The following PDIA5 variants were observed in gnomAD, a reference collection of about 807,000 sequenced individuals.
PDIA5 encodes protein disulfide-isomerase A5.
PDIA5 carries 58 observed loss-of-function variants against 77.6 expected under a neutral mutation model. The observed-to-expected ratio is 0.75, with a 90% confidence interval of 0.61 to 0.93. The LOEUF is 0.93. Ranked by LOEUF, PDIA5 falls within the 40% of genes least tolerant of loss-of-function variation. PDIA5 has a pLI of 0.00. For missense variants in PDIA5, 630 were observed against 647.7 expected, an observed-to-expected ratio of 0.97 and a Z score of 0.30; for synonymous variants, 250 against 252.1, an observed-to-expected ratio of 0.99 and a Z score of 0.08.
chr3:123,071,354 CT>C (rs972855994), intron 1 of PDIA5, among the ~76,000 whole-genome samples: 7 of 152,146 alleles, frequency 4.6e-5, no homozygotes, highest in Admixed American at 2.0e-4. Flanking sequence ...GCCTCTGCCC[CT>C]GATGGTCGCT....
intron 3 of PDIA5, among the ~76,000 whole-genome samples, chr3:123,095,587 T>C (rs1048987014): frequency 2.0e-5 from 3 of 151,962 alleles, no homozygotes; most frequent in African/African-American, 7.3e-5. Context: ...CCATCTCTAC[T>C]AAAAATACAA....
chr3:123,067,234 C>T (rs1478174795), intron 1 of PDIA5, 28 bp downstream of exon 1: 4 of 1,241,354 alleles, frequency 3.2e-6, no homozygotes, highest in Non-Finnish European at 4.1e-6. Flanking sequence ...GGATCCGGGC[C>T]GGGCCAGCAC....
At position 123,102,455 on chromosome 3, in the gene PDIA5, T is replaced by G. The variant is rs200110278; in HGVS notation, c.302T>G (p.Leu101Arg). ...RKLCKKMKVD[L>R]SPKDKKVELF... ...TTGTGCAAGAAGATGAAAGTTGACCTGAGCCCGAAGGACAAAAAGGTTGAA... is the reference window on the plus strand; with the variant it reads ...TTGTGCAAGAAGATGAAAGTTGACCGGAGCCCGAAGGACAAAAAGGTTGAA... The change falls in exon 4 of 17, where the codon CTG becomes CGG. Residue 101 changes from leucine to arginine, a missense_variant. Leu to Arg is a moderately radical substitution (Grantham distance 102, BLOSUM62 -2). Transcript: ENST00000316218. 1.9e-6 allele frequency: 3 copies of G among 1,614,084 alleles called. No homozygotes were observed. Among genetic ancestry groups the G allele is most frequent in the Middle Eastern group, 1.7e-4 (1 of 6,060 alleles).
At chr3:123,081,744 T>C (rs1245279695) in intron 1 of PDIA5, among the ~76,000 whole-genome samples, 2 of 152,230 alleles carry the variant, frequency 1.3e-5, no homozygotes, top group Non-Finnish European at 2.9e-5. Flanking sequence ...CTGCATTGAA[T>C]AGTAAATCTA....
chr3:123,138,531 G>A (rs966063503), intron 11 of PDIA5, among the ~76,000 whole-genome samples: 2 of 152,046 alleles, frequency 1.3e-5, no homozygotes, highest in Non-Finnish European at 2.9e-5. Context: ...TATTTCCTTA[G>A]GATAGGAACC....
chr3:123,161,514 T>A, intron 16 of PDIA5, 59 bp downstream of exon 16: 3 of 1,567,982 alleles, frequency 1.9e-6, no homozygotes, highest in Non-Finnish European at 2.6e-6. Context: ...CAGGGAAACT[T>A]CCACTGAGGA....
chr3:123,115,020 A>G (rs1167387550), intron 7 of PDIA5, among the ~76,000 whole-genome samples: 6 of 152,062 alleles, frequency 3.9e-5, no homozygotes, highest in Admixed American at 3.9e-4. Context: ...GGTGGCCCAG[A>G]AGGAATGTTG....
At chr3:123,081,915 T>G (rs1023352416) in intron 1 of PDIA5, among the ~76,000 whole-genome samples, 1 of 152,200 alleles carries the variant, frequency 6.6e-6, no homozygotes, top group Admixed American at 6.5e-5. Flanking sequence ...CTGATGGAGA[T>G]GCTGGGTGGC....
chr3:123,096,957 G>T (rs3804741), intron 3 of PDIA5, among the ~76,000 whole-genome samples: 2 of 152,160 alleles, frequency 1.3e-5, no homozygotes, highest in Non-Finnish European at 2.9e-5. Flanking sequence ...TCTCACAGGG[G>T]GCAAGGCTGT....
intron 11 of PDIA5, chr3:123,144,403 G>A (rs1202664286): frequency 6.6e-6 from 1 of 152,212 alleles, no homozygotes. Flanking sequence ...CCTCCATCCT[G>A]AGCCAGTCTG....
intron 15 of PDIA5, among the ~76,000 whole-genome samples, chr3:123,156,143 C>A (rs1936016879): frequency 6.6e-6 from 1 of 152,140 alleles, no homozygotes; most frequent in Admixed American, 6.5e-5. Flanking sequence ...TTAACAGGCC[C>A]AGAGACAGTG....
chr3:123,107,946 A>C (rs904183406), intron 6 of PDIA5, among the ~76,000 whole-genome samples: 2 of 152,106 alleles, frequency 1.3e-5, no homozygotes, highest in Non-Finnish European at 2.9e-5. Context: ...CTACAGGCAC[A>C]TGCCACCATG....
rs767408580 is a variant in PDIA5, at chr3:123,146,197, TGGAGA to T, written c.1082_1086del (p.Gly361GlufsTer21). Reference sequence around the variant, plus strand: ...TTCCTACGTTGAAGTATTTTAAGAATGGAGAGAAATACGCAGTGCCTGTGCTCAGG... The same window carrying T: ...TTCCTACGTTGAAGTATTTTAAGAATGAAATACGCAGTGCCTGTGCTCAGG... On this transcript the variant is annotated frameshift_variant, in exon 13 of 17. Coordinates refer to ENST00000316218, the MANE Select transcript of PDIA5 (RefSeq NM_006810.4). LOFTEE classifies it high-confidence loss of function. 26 of 1,613,848 alleles carry T rather than the reference TGGAGA, an allele frequency of 1.6e-5. No homozygotes were observed. The highest frequency in any genetic ancestry group is 2.1e-5 in the Non-Finnish European group (25 of 1,179,826).
At chr3:123,146,393 T>A in intron 13 of PDIA5, 134 bp downstream of exon 13, 1 of 717,848 alleles carries the variant, frequency 1.4e-6, no homozygotes. Context: ...GGATCTGACT[T>A]CCTCAACCCT....
chr3:123,096,116 T>A (rs759200479), intron 3 of PDIA5, among the ~76,000 whole-genome samples: 1 of 152,088 alleles, frequency 6.6e-6, no homozygotes, highest in Non-Finnish European at 1.5e-5. Flanking sequence ...CTCTCCTGTC[T>A]CCTTCTTTTC....
chr3:123,137,715 A>G (rs1935533818), intron 11 of PDIA5, among the ~76,000 whole-genome samples: 1 of 152,154 alleles, frequency 6.6e-6, no homozygotes, highest in South Asian at 2.1e-4. Flanking sequence ...AAGGTCACAT[A>G]GCCAAAAAGT....
intron 3 of PDIA5, among the ~76,000 whole-genome samples, chr3:123,101,129 G>A (rs892152272): frequency 6.6e-5 from 10 of 152,194 alleles, no homozygotes; most frequent in African/African-American, 2.4e-4. Flanking sequence ...GCACAGGGGA[G>A]CCAAACCTTA....
chr3:123,106,685 G>C, intron 5 of PDIA5, 64 bp from the exon 6 acceptor site: 1 of 1,188,998 alleles, frequency 8.4e-7, no homozygotes, highest in Non-Finnish European at 1.2e-6. Context: ...ACAGGTTCCT[G>C]ATTCCCCCAC....
At chr3:123,095,166 G>A (rs927441951) in intron 3 of PDIA5, among the ~76,000 whole-genome samples, 3 of 152,208 alleles carry the variant, frequency 2.0e-5, no homozygotes, top group Non-Finnish European at 2.9e-5. Flanking sequence ...ATGGGACAGC[G>A]ATATGCGTTC....
Sources: gnomAD v4.1 joint callset for allele counts (sites outside exome capture counted in the v4.1 genomes callset) on GRCh38, gnomAD v4.1.1 for gene constraint, MANE v1.5 for transcripts, NCBI Gene and HGNC (gene_info 2026-07-23, HGNC 2026-07-21) for gene names.